Variants in RAB21 observed in about 807,000 individuals in gnomAD.
RAB21 encodes ras-related protein Rab-21.
In RAB21, 13 loss-of-function variants were observed where a neutral mutation model predicts 33.1. That is an observed-to-expected ratio of 0.39 (90% CI 0.26 to 0.62). The LOEUF is 0.62. RAB21 is among the 20% of genes least tolerant of loss of function. The probability of loss-of-function intolerance (pLI) is 0.48; values close to 1 mark genes in which losing one functional copy is unlikely to be tolerated. For synonymous variants in RAB21, 91 were observed against 103.7 expected, an observed-to-expected ratio of 0.88 and a Z score of 0.74; for missense variants, 234 against 279.1, an observed-to-expected ratio of 0.84 and a Z score of 1.15.
chr12:71,774,374 GAGAA>G (rs1883088927), intron 4 of RAB21: 1 of 157,252 alleles, frequency 6.4e-6, no homozygotes, highest in Non-Finnish European at 1.4e-5. Flanking sequence ...GCTGAAGTGG[GAGAA>G]TCACTTGAAT....
Position 71,796,556 on chromosome 12 carries a change from C to T in RAB21, c.*10883C>T, listed in dbSNP as rs1400212538. 7.3e-6 allele frequency: 1 copy of T among 137,000 alleles called. No individual in the cohort carries two copies. Among genetic ancestry groups the T allele is most frequent in the African/African-American group, 2.9e-5 (1 of 33,938 alleles). The allele number at this position is 137,000 out of a possible 1,614,324, so 8.5% of individuals were successfully genotyped here. On this transcript the variant is annotated 3_prime_UTR_variant, in exon 7 of 7. Coordinates refer to ENST00000261263, the MANE Select transcript of RAB21 (RefSeq NM_014999.4). ...ATTAGGAAATACGTTAACATAAGAT[C>T]CCTGACTATAAAGTAAGACTTATTA...
Position 71,798,003 on chromosome 12 carries a change from G to A in RAB21, c.*12330G>A, listed in dbSNP as rs1330150975. ...TTTTTAAAGATTTTAGTGTGGTAAA[G>A]GATTTCCTGAATTTGATATAAAATT... On this transcript the variant is annotated 3_prime_UTR_variant, in exon 7 of 7. Transcript: ENST00000261263. 1.3e-5 allele frequency: 2 copies of A among 152,078 alleles called. No individual in the cohort carries two copies. The highest frequency in any genetic ancestry group is 6.5e-5 in the Admixed American group (1 of 15,272). The allele number at this position is 152,078 out of a possible 1,614,324, so 9.4% of individuals were successfully genotyped here.
At chr12:71,758,308 C>T (rs1211754124) in intron 1 of RAB21, among the ~76,000 whole-genome samples, 1 of 152,106 alleles carries the variant, frequency 6.6e-6, no homozygotes, top group East Asian at 1.9e-4. Flanking sequence ...GCTGGGATTA[C>T]AGGTGTGAGC....
intron 1 of RAB21, among the ~76,000 whole-genome samples, chr12:71,764,655 C>A (rs1882932143): frequency 6.6e-6 from 1 of 152,038 alleles, no homozygotes; most frequent in South Asian, 2.1e-4. Flanking sequence ...TCATTTCTTA[C>A]ACCTTTGCAT....
intron 1 of RAB21, among the ~76,000 whole-genome samples, chr12:71,768,758 A>G (rs967472270): frequency 6.6e-6 from 1 of 152,122 alleles, no homozygotes; most frequent in African/African-American, 2.4e-5. Context: ...TTTTTCCAGG[A>G]AAAAAAGGTT....
At chr12:71,773,734 A>C (rs1443765916) in intron 3 of RAB21, among the ~76,000 whole-genome samples, 1 of 152,182 alleles carries the variant, frequency 6.6e-6, no homozygotes, top group African/African-American at 2.4e-5. Context: ...GCAAATTTAT[A>C]ATTAGAGTTG....
rs1883455764 is a variant in RAB21, at chr12:71,795,475, C to A, written c.*9802C>A. The A allele has an allele frequency of 2.0e-5, 2 of 99,950 alleles. No homozygotes were observed. Among genetic ancestry groups the A allele is most frequent in the African/African-American group, 9.7e-5 (2 of 20,632 alleles). 6.2% of individuals were successfully genotyped at this position (99,950 alleles called of 1,614,324 possible). A position where few individuals can be genotyped will look rare whatever the true frequency, so the allele number is the denominator to read the frequency against. On this transcript the variant is annotated 3_prime_UTR_variant, in exon 7 of 7. Transcript: ENST00000261263. ...GGGAAGACTATGACTGTTTCTATGA[C>A]CTCTAGTCACAAATTTAACTAATTT...
At chr12:71,782,429 G>A (rs1009317870) in intron 5 of RAB21, 141 bp from the exon 6 acceptor site, 3 of 563,770 alleles carry the variant, frequency 5.3e-6, no homozygotes, top group Non-Finnish European at 9.2e-6. Context: ...AATGTATAGA[G>A]AATTTAAATA....
chr12:71,781,964 G>T, intron 4 of RAB21, 67 bp from the exon 5 acceptor site: 1 of 1,244,796 alleles, frequency 8.0e-7, no homozygotes, highest in Non-Finnish European at 1.1e-6. Flanking sequence ...TTTATATTTA[G>T]AATTGGCTTA....
intron 3 of RAB21, among the ~76,000 whole-genome samples, chr12:71,771,770 T>TA (rs1883045417): frequency 1.3e-5 from 2 of 152,004 alleles, no homozygotes; most frequent in South Asian, 2.1e-4. Flanking sequence ...GGTCGGGAGT[T>TA]AGAGACCAGC....
In RAB21 at chr12:71,770,599, C is replaced by T; in HGVS notation, c.227C>T (p.Ala76Val). The T allele has an allele frequency of 1.3e-6, 2 of 1,592,722 alleles. No homozygotes were observed. The highest frequency in any genetic ancestry group is 1.7e-6 in the Non-Finnish European group (2 of 1,161,420). The part of the protein sequence containing the change: ...KRVNLAIWDT[A>V]GQERFHALGP... Reference sequence around the variant, plus strand: ...ATTTGTTGCTTTCTTTAGGATACGGCAGGTCAAGAGAGATTCCATGCATTG... The same window carrying T: ...ATTTGTTGCTTTCTTTAGGATACGGTAGGTCAAGAGAGATTCCATGCATTG... Residue 76 changes from alanine to valine, a missense_variant, in exon 3 of 7, where the codon GCA (alanine) becomes GTA (valine). By Grantham distance (64) the Ala-to-Val change is moderately conservative. Coordinates refer to ENST00000261263, the MANE Select transcript of RAB21 (RefSeq NM_014999.4).
At chr12:71,756,448 G>C (rs777005778) in intron 1 of RAB21, among the ~76,000 whole-genome samples, 77 of 152,188 alleles carry the variant, frequency 5.1e-4, no homozygotes, top group Admixed American at 3.3e-4. Context: ...CTACTTAATA[G>C]AATGCGTAAT....
chr12:71,769,642 A>T (rs1883012085), intron 1 of RAB21, among the ~76,000 whole-genome samples, 158 bp from the exon 2 acceptor site: 1 of 152,196 alleles, frequency 6.6e-6, no homozygotes, highest in Non-Finnish European at 1.5e-5. Context: ...ATAATGTCTT[A>T]TCTTTAATGA....
Position 71,755,218 on chromosome 12 carries a change from T to C in RAB21, c.89T>C (p.Val30Ala). 6.5e-7 allele frequency: 1 copy of C among 1,542,364 alleles called. No homozygotes were observed. Among genetic ancestry groups the C allele is most frequent in the Non-Finnish European group, 8.7e-7 (1 of 1,148,874 alleles). ...GTGGTGCTGCTGGGGGAAGGCTGCG[T>C]GGGGAAGACGTCGCTGGTGCTGCGC... ...FKVVLLGEGC[V>A]GKTSLVLRYC... The change falls in exon 1 of 7, where the codon GTG becomes GCG. Residue 30 changes from valine to alanine, a missense_variant. Transcript: ENST00000261263.
At position 71,785,727 on chromosome 12, in the gene RAB21, C is replaced by A; in HGVS notation, c.*54C>A. 1 of 1,587,486 alleles carries A rather than the reference C, an allele frequency of 6.3e-7. No homozygotes were observed. Among genetic ancestry groups the A allele is most frequent in the Non-Finnish European group, 8.6e-7 (1 of 1,158,192 alleles). On this transcript the variant is annotated 3_prime_UTR_variant, in exon 7 of 7. Coordinates refer to ENST00000261263, the MANE Select transcript of RAB21 (RefSeq NM_014999.4). ...GAACAAAACTGTGGATCATTGCCCT[C>A]AACATGAAGACTGCCATATTCCAAG...
At position 71,790,993 on chromosome 12, in the gene RAB21, T is replaced by A. The variant is rs918914182; in HGVS notation, c.*5320T>A. ...ATCCAAATTTATTTATTTTTTTATT[T>A]CATTTTTTTGAGACAGTCTCGCTGT... is the stretch of plus-strand genomic sequence containing the variant. On this transcript the variant is annotated 3_prime_UTR_variant, in exon 7 of 7. Transcript: ENST00000261263. The A allele has an allele frequency of 6.6e-6, 1 of 152,152 alleles. No homozygotes were observed. Among genetic ancestry groups the A allele is most frequent in the Non-Finnish European group, 1.5e-5 (1 of 68,040 alleles). 9.4% of individuals were successfully genotyped at this position (152,152 alleles called of 1,614,324 possible).
intron 1 of RAB21, among the ~76,000 whole-genome samples, chr12:71,760,274 T>C (rs1277206474): frequency 6.6e-6 from 1 of 152,248 alleles, no homozygotes; most frequent in Admixed American, 6.5e-5. Context: ...TTGTGACATT[T>C]GCCATACTTT....
intron 4 of RAB21, among the ~76,000 whole-genome samples, chr12:71,781,227 T>C (rs187751819): frequency 6.6e-6 from 1 of 152,156 alleles, no homozygotes; most frequent in Non-Finnish European, 1.5e-5. Flanking sequence ...CCTAGCACTT[T>C]GGGAGGCCGA....
intron 1 of RAB21, 70 bp from the exon 2 acceptor site, chr12:71,769,730 A>G (rs1296525827): frequency 3.8e-5 from 27 of 719,312 alleles, no homozygotes; most frequent in Non-Finnish European, 5.2e-5. Context: ...TGATTCATTC[A>G]TCTATAGTTG....
Sources: gnomAD v4.1 joint callset for allele counts (sites outside exome capture counted in the v4.1 genomes callset) on GRCh38, gnomAD v4.1.1 for gene constraint, MANE v1.5 for transcripts, NCBI Gene and HGNC (gene_info 2026-07-23, HGNC 2026-07-21) for gene names.